Variants in RAP2B observed in about 807,000 individuals in gnomAD.
The protein encoded by RAP2B is RAP2B, member of RAS oncogene family, also known as ras-related protein Rap-2b.
A neutral mutation model predicts 14.4 loss-of-function variants in RAP2B; 6 were observed. That is an observed-to-expected ratio of 0.42 (90% CI 0.23 to 0.82). The LOEUF is 0.82. RAP2B is among the 40% of genes least tolerant of loss of function. The pLI is 0.30. For synonymous variants in RAP2B, 118 were observed against 113.2 expected (o/e 1.04, Z -0.27); for missense variants, 137 against 248.2 (o/e 0.55, Z 3.01).
rs752324779 is a variant in RAP2B, at chr3:153,166,956, T to C, written c.*3711T>C. ...ATATGTAGCAGCTGGTCTTGAGAAGTAGAAGCATCTTAACTGTCATAAGAG... is the reference window on the plus strand; with the variant it reads ...ATATGTAGCAGCTGGTCTTGAGAAGCAGAAGCATCTTAACTGTCATAAGAG... On this transcript the variant is annotated 3_prime_UTR_variant, in exon 1 of 1. Coordinates refer to ENST00000323534, the MANE Select transcript of RAP2B (RefSeq NM_002886.4). 6.0e-5 allele frequency: 10 copies of C among 166,894 alleles called. No homozygotes were observed. Among genetic ancestry groups the C allele is most frequent in the African/African-American group, 9.7e-5 (4 of 41,434 alleles). 10.3% of individuals were successfully genotyped at this position (166,894 alleles called of 1,614,324 possible). A position where few individuals can be genotyped will look rare whatever the true frequency, so the allele number is the denominator to read the frequency against.
At position 153,162,628 on chromosome 3, in the gene RAP2B, C is replaced by G. The variant is rs774359508; in HGVS notation, c.-66C>G. The G allele has an allele frequency of 9.3e-5, 140 of 1,503,674 alleles. No homozygotes were observed. Among genetic ancestry groups the G allele is most frequent in the Non-Finnish European group, 1.2e-4 (140 of 1,128,958 alleles). 93.1% of individuals were successfully genotyped at this position (1,503,674 alleles called of 1,614,324 possible). On this transcript the variant is annotated 5_prime_UTR_variant, in exon 1 of 1. Coordinates refer to ENST00000323534, the MANE Select transcript of RAP2B (RefSeq NM_002886.4). This position sits in a 1 kb window ranked among gnomAD's most constrained non-coding sequence, Gnocchi z 4.9. ...GGGAAGAGAAGTCCAGCCGCCAAGC[C>G]CAGCCTTCCCCGGCGCGCAGCCCCG... is the stretch of plus-strand genomic sequence containing the variant.
chr3:153,162,550 C>A lies in RAP2B; in HGVS notation c.-144C>A. 9.6e-7 allele frequency: 1 copy of A among 1,036,870 alleles called. No individual in the cohort carries two copies. The highest frequency in any genetic ancestry group is 1.8e-5 in the South Asian group (1 of 55,370). 64.2% of individuals were successfully genotyped at this position (1,036,870 alleles called of 1,614,324 possible). Reference sequence around the variant, plus strand: ...CCGGCCTCCGTTCGGTGGTTTCCGCCCTGCGTTCTCTGGGTTGCTCTCTCC... The same window carrying A: ...CCGGCCTCCGTTCGGTGGTTTCCGCACTGCGTTCTCTGGGTTGCTCTCTCC... On this transcript the variant is annotated 5_prime_UTR_variant, in exon 1 of 1. Coordinates refer to ENST00000323534, the MANE Select transcript of RAP2B (RefSeq NM_002886.4). This position sits in a 1 kb window ranked among gnomAD's most constrained non-coding sequence, Gnocchi z 4.9.
rs1255124139 is a variant in RAP2B at position 153,166,587 on chromosome 3, A to C, written c.*3342A>C. 6.0e-6 allele frequency: 1 copy of C among 167,028 alleles called. No individual in the cohort carries two copies. The highest frequency in any genetic ancestry group is 2.1e-4 in the South Asian group (1 of 4,820). The allele number at this position is 167,028 out of a possible 1,614,324, so 10.3% of individuals were successfully genotyped here. A position where few individuals can be genotyped will look rare whatever the true frequency, so the allele number is the denominator to read the frequency against. On this transcript the variant is annotated 3_prime_UTR_variant, in exon 1 of 1. Transcript: ENST00000323534. ...TCAATCCAGGTTTTATGTTATTTCA[A>C]AAGGGTTATTTTTGTCCTCCTTTTT...
Position 153,164,827 on chromosome 3 carries a change from A to G in RAP2B, c.*1582A>G, listed in dbSNP as rs745975080. ...CAGGTGCATGATACTCTTCAGAGCTATTTGTGAAATTTTAAAGACAGAAGT... is the reference window on the plus strand; with the variant it reads ...CAGGTGCATGATACTCTTCAGAGCTGTTTGTGAAATTTTAAAGACAGAAGT... On this transcript the variant is annotated 3_prime_UTR_variant, in exon 1 of 1. Coordinates refer to ENST00000323534, the MANE Select transcript of RAP2B (RefSeq NM_002886.4). 3 of 167,118 alleles carry G rather than the reference A, an allele frequency of 1.8e-5. No individual in the cohort carries two copies. The highest frequency in any genetic ancestry group is 4.4e-5 in the Non-Finnish European group (3 of 68,126). 10.4% of individuals were successfully genotyped at this position (167,118 alleles called of 1,614,324 possible). A position where few individuals can be genotyped will look rare whatever the true frequency, so the allele number is the denominator to read the frequency against.
In RAP2B at chr3:153,170,500, A is replaced by G. The variant is rs573562793; in HGVS notation, c.*7255A>G. On this transcript the variant is annotated 3_prime_UTR_variant, in exon 1 of 1. Coordinates refer to ENST00000323534, the MANE Select transcript of RAP2B (RefSeq NM_002886.4). ...TAATAGTATATGGAAAAGCACATCT[A>G]CATGTGTCATCAGTTATAATACTGT... 6.6e-6 allele frequency: 1 copy of G among 152,228 alleles called. No homozygotes were observed. The highest frequency in any genetic ancestry group is 2.4e-5 in the African/African-American group (1 of 41,460). 9.4% of individuals were successfully genotyped at this position (152,228 alleles called of 1,614,324 possible). A position where few individuals can be genotyped will look rare whatever the true frequency, so the allele number is the denominator to read the frequency against.
At position 153,163,252 on chromosome 3, in the gene RAP2B, CACCGCGCG is replaced by C. The variant is rs1713461235; in HGVS notation, c.*8_*15del. 1.3e-6 allele frequency: 2 copies of C among 1,523,830 alleles called. No individual in the cohort carries two copies. The highest frequency in any genetic ancestry group is 1.8e-6 in the Non-Finnish European group (2 of 1,139,616). 94.4% of individuals were successfully genotyped at this position (1,523,830 alleles called of 1,614,324 possible). A position where few individuals can be genotyped will look rare whatever the true frequency, so the allele number is the denominator to read the frequency against. On this transcript the variant is annotated 3_prime_UTR_variant, in exon 1 of 1. Transcript: ENST00000323534. ...GGCCTGCGTGATCCTCTGAGGCGGC[CACCGCGCG>C]CCGGCCGCGCTCTGCGCACAAAAGC...
rs1297059276 is a variant in RAP2B, at chr3:153,167,751, G to A, written c.*4506G>A. On this transcript the variant is annotated 3_prime_UTR_variant, in exon 1 of 1. Coordinates refer to ENST00000323534, the MANE Select transcript of RAP2B (RefSeq NM_002886.4). Reference sequence around the variant, plus strand: ...ATTATTACAGGAACATTTTGACTATGGTTTTCAATGTTAATTCAGAAGTTG... The same window carrying A: ...ATTATTACAGGAACATTTTGACTATAGTTTTCAATGTTAATTCAGAAGTTG... 6.0e-6 allele frequency: 1 copy of A among 166,904 alleles called. No homozygotes were observed. The highest frequency in any genetic ancestry group is 2.4e-5 in the African/African-American group (1 of 41,420). The allele number at this position is 166,904 out of a possible 1,614,324, so 10.3% of individuals were successfully genotyped here. A position where few individuals can be genotyped will look rare whatever the true frequency, so the allele number is the denominator to read the frequency against.
At position 153,163,095 on chromosome 3, in the gene RAP2B, G is replaced by A; in HGVS notation, c.402G>A (p.Leu134=). The change falls in exon 1 of 1, where the codon CTG becomes CTA. Residue 134 remains leucine (L), a synonymous_variant. Transcript: ENST00000323534. ...REVSYGEGKA[L]AEEWSCPFME... is the part of the protein sequence containing the mutation. ...TCTCGTACGGGGAGGGCAAGGCCCT[G>A]GCTGAGGAGTGGAGCTGCCCCTTCA... is the stretch of plus-strand genomic sequence containing the variant. 6.2e-7 allele frequency: 1 copy of A among 1,613,912 alleles called. No individual in the cohort carries two copies. Among genetic ancestry groups the A allele is most frequent in the South Asian group, 1.1e-5 (1 of 91,088 alleles).
rs1713524807 is a variant in RAP2B, at chr3:153,164,749, CTG to C, written c.*1508_*1509del. The C allele has an allele frequency of 6.0e-6, 1 of 166,896 alleles. No homozygotes were observed. The highest frequency in any genetic ancestry group is 2.4e-5 in the African/African-American group (1 of 41,370). The allele number at this position is 166,896 out of a possible 1,614,324, so 10.3% of individuals were successfully genotyped here. On this transcript the variant is annotated 3_prime_UTR_variant, in exon 1 of 1. Coordinates refer to ENST00000323534, the MANE Select transcript of RAP2B (RefSeq NM_002886.4). ...AAACCCAAAACTATTGTTTGTGTTTCTGTGTTTCATATTCAGTGATTTAATAC... is the reference window on the plus strand; with the variant it reads ...AAACCCAAAACTATTGTTTGTGTTTCTGTTTCATATTCAGTGATTTAATAC...
At position 153,162,514 on chromosome 3, in the gene RAP2B, C is replaced by T. The variant is rs1713432160; in HGVS notation, c.-180C>T. ...GGGATACGCTGCCGCCGCCGCCGGC[C>T]GGCCCGGCGCCCGGCCTCCGTTCGG... On this transcript the variant is annotated 5_prime_UTR_variant, in exon 1 of 1. Transcript: ENST00000323534. The surrounding 1 kb of genome is among the most constrained non-coding windows in gnomAD (Gnocchi z 4.9). 4.4e-6 allele frequency: 3 copies of T among 682,274 alleles called. No homozygotes were observed. Among genetic ancestry groups the T allele is most frequent in the Admixed American group, 7.5e-5 (2 of 26,572 alleles). 42.3% of individuals were successfully genotyped at this position (682,274 alleles called of 1,614,324 possible). A position where few individuals can be genotyped will look rare whatever the true frequency, so the allele number is the denominator to read the frequency against.
rs112079528 is a variant in RAP2B at position 153,163,635 on chromosome 3, GTTTT to G, written c.*404_*407del. 1.1e-3 allele frequency: 115 copies of G among 103,888 alleles called. 1 individual carries two copies. Among genetic ancestry groups the G allele is most frequent in the Admixed American group, 7.3e-3 (69 of 9,406 alleles). 6.4% of individuals were successfully genotyped at this position (103,888 alleles called of 1,614,324 possible). ...AAAGGAGGGAGAGAAGGTGGAAATGGTTTTTTTTTTTTTTTTTCTATTTTCTTTC... is the reference window on the plus strand; with the variant it reads ...AAAGGAGGGAGAGAAGGTGGAAATGGTTTTTTTTTTTTTCTATTTTCTTTC... On this transcript the variant is annotated 3_prime_UTR_variant, in exon 1 of 1. Transcript: ENST00000323534.
rs767114895 is a variant in RAP2B, at chr3:153,163,253, A to G, written c.*8A>G. On this transcript the variant is annotated 3_prime_UTR_variant, in exon 1 of 1. Transcript: ENST00000323534. ...GCCTGCGTGATCCTCTGAGGCGGCC[A>G]CCGCGCGCCGGCCGCGCTCTGCGCA... The G allele has an allele frequency of 5.3e-6, 8 of 1,523,190 alleles. No homozygotes were observed. In the South Asian group the frequency reaches 8.9e-5, roughly 17 times the overall value. 94.4% of individuals were successfully genotyped at this position (1,523,190 alleles called of 1,614,324 possible). A position where few individuals can be genotyped will look rare whatever the true frequency, so the allele number is the denominator to read the frequency against.
chr3:153,163,983 G>C lies in RAP2B; in HGVS notation c.*738G>C, dbSNP rs1005940912. 2.0e-4 allele frequency: 34 copies of C among 166,616 alleles called. No homozygotes were observed. Among genetic ancestry groups the C allele is most frequent in the African/African-American group, 8.2e-4 (34 of 41,318 alleles). 10.3% of individuals were successfully genotyped at this position (166,616 alleles called of 1,614,324 possible). ...CCAATACAGTGTGGGGTGCCAGAAAGTGTCTGCTGATATTTGTGGAAAAAA... is the reference window on the plus strand; with the variant it reads ...CCAATACAGTGTGGGGTGCCAGAAACTGTCTGCTGATATTTGTGGAAAAAA... On this transcript the variant is annotated 3_prime_UTR_variant, in exon 1 of 1. Transcript: ENST00000323534.
In RAP2B at chr3:153,163,104, G is replaced by A; in HGVS notation, c.411G>A (p.Glu137=). 6.2e-7 allele frequency: 1 copy of A among 1,613,836 alleles called. No individual in the cohort carries two copies. The part of the protein sequence containing the change: ...SYGEGKALAE[E]WSCPFMETSA... ...GGGAGGGCAAGGCCCTGGCTGAGGAGTGGAGCTGCCCCTTCATGGAGACGT... is the reference window on the plus strand; with the variant it reads ...GGGAGGGCAAGGCCCTGGCTGAGGAATGGAGCTGCCCCTTCATGGAGACGT... The change falls in exon 1 of 1, where the codon GAG becomes GAA. Residue 137 remains glutamate (E), a synonymous_variant. Transcript: ENST00000323534.
Position 153,165,631 on chromosome 3 carries a change from T to C in RAP2B, c.*2386T>C, listed in dbSNP as rs1018562703. The C allele has an allele frequency of 6.0e-6, 1 of 166,734 alleles. No homozygotes were observed. Among genetic ancestry groups the C allele is most frequent in the Non-Finnish European group, 1.5e-5 (1 of 68,066 alleles). 10.3% of individuals were successfully genotyped at this position (166,734 alleles called of 1,614,324 possible). A position where few individuals can be genotyped will look rare whatever the true frequency, so the allele number is the denominator to read the frequency against. The stretch of plus-strand genomic sequence containing the variant: ...CTTTTTTTTTTTTGCCCAAGAGGCA[T>C]CTCAGTACTCCAGCAATGGAGGAAG... On this transcript the variant is annotated 3_prime_UTR_variant, in exon 1 of 1. Transcript: ENST00000323534.
Position 153,162,637 on chromosome 3 carries a change from C to A in RAP2B, c.-57C>A. The stretch of plus-strand genomic sequence containing the variant: ...AGTCCAGCCGCCAAGCCCAGCCTTC[C>A]CCGGCGCGCAGCCCCGACGGGGCCG... On this transcript the variant is annotated 5_prime_UTR_variant, in exon 1 of 1. Transcript: ENST00000323534. The surrounding 1 kb of genome is among the most constrained non-coding windows in gnomAD (Gnocchi z 4.9). 6.6e-7 allele frequency: 1 copy of A among 1,524,900 alleles called. No individual in the cohort carries two copies. The highest frequency in any genetic ancestry group is 8.8e-7 in the Non-Finnish European group (1 of 1,140,128). 94.5% of individuals were successfully genotyped at this position (1,524,900 alleles called of 1,614,324 possible).
chr3:153,163,144 G>T lies in RAP2B; in HGVS notation c.451G>T (p.Ala151Ser). 1 of 1,612,562 alleles carries T rather than the reference G, an allele frequency of 6.2e-7. No individual in the cohort carries two copies. The highest frequency in any genetic ancestry group is 1.3e-5 in the African/African-American group (1 of 75,050). ...PFMETSAKNKASVDELFAEIV... is the reference protein window; with the variant it reads ...PFMETSAKNKSSVDELFAEIV... ...CATGGAGACGTCGGCCAAAAACAAA[G>T]CCTCGGTAGACGAGCTATTTGCCGA... The change falls in exon 1 of 1, where the codon GCC becomes TCC. Residue 151 changes from alanine (A) to serine (S), a missense_variant. By Grantham distance (99) the Ala-to-Ser change is moderately conservative (BLOSUM62 1). This residue lies in a region of RAP2B where 106 missense variants were observed against 143.5 expected (regional missense o/e 0.74). Coordinates refer to ENST00000323534, the MANE Select transcript of RAP2B (RefSeq NM_002886.4).
chr3:153,163,117 T>G lies in RAP2B; in HGVS notation c.424T>G (p.Phe142Val). 1 of 1,613,582 alleles carries G rather than the reference T, an allele frequency of 6.2e-7. No individual in the cohort carries two copies. The highest frequency in any genetic ancestry group is 1.1e-5 in the South Asian group (1 of 91,074). ...KALAEEWSCPFMETSAKNKAS... is the reference protein window; with the variant it reads ...KALAEEWSCPVMETSAKNKAS... Reference sequence around the variant, plus strand: ...CCTGGCTGAGGAGTGGAGCTGCCCCTTCATGGAGACGTCGGCCAAAAACAA... The same window carrying G: ...CCTGGCTGAGGAGTGGAGCTGCCCCGTCATGGAGACGTCGGCCAAAAACAA... The change falls in exon 1 of 1, where the codon TTC becomes GTC. Residue 142 changes from phenylalanine (F) to valine (V), a missense_variant. Physicochemically the swap from Phe to Val is conservative, Grantham distance 50. Coordinates refer to ENST00000323534, the MANE Select transcript of RAP2B (RefSeq NM_002886.4).
At position 153,170,156 on chromosome 3, in the gene RAP2B, T is replaced by G. The variant is rs1227467438; in HGVS notation, c.*6911T>G. 6.6e-6 allele frequency: 1 copy of G among 152,232 alleles called. No homozygotes were observed. Among genetic ancestry groups the G allele is most frequent in the African/African-American group, 2.4e-5 (1 of 41,466 alleles). The allele number at this position is 152,232 out of a possible 1,614,324, so 9.4% of individuals were successfully genotyped here. ...CAGAGGATTGAAAACGTGGTTGGTT[T>G]ATTTGTGGTAATTGTGAAAAATTGC... On this transcript the variant is annotated 3_prime_UTR_variant, in exon 1 of 1. Coordinates refer to ENST00000323534, the MANE Select transcript of RAP2B (RefSeq NM_002886.4).
Sources: gnomAD v4.1 joint callset for allele counts on GRCh38, gnomAD v4.1.1 for gene constraint, gnomAD v4.1.1 regional missense constraint, Gnocchi (gnomAD v3.1) non-coding constraint, MANE v1.5 for transcripts, NCBI Gene and HGNC (gene_info 2026-07-23, HGNC 2026-07-21) for gene names.